WDR17: variants seen among roughly 807,000 people sequenced by gnomAD.
The protein encoded by WDR17 is WD repeat-containing protein 17.
In WDR17, 143 loss-of-function variants were observed where a neutral mutation model predicts 161.7. That is an observed-to-expected ratio of 0.88 (90% CI 0.77 to 1.02). The LOEUF (loss-of-function observed/expected upper bound fraction) is 1.02, where lower values mean the gene tolerates loss of function less well. WDR17 is among the 50% of genes least tolerant of loss of function. WDR17 has a pLI of 0.00. For missense variants in WDR17, 1,469 were observed against 1,520.9 expected (o/e 0.97, Z 0.57); for synonymous variants, 517 against 515.6 (o/e 1.00, Z -0.04).
At chr4:176,094,818 G>T (rs1409074516) in intron 1 of WDR17, among the ~76,000 whole-genome samples, 4 of 152,144 alleles carry the variant, frequency 2.6e-5, no homozygotes, top group African/African-American at 4.8e-5. Context: ...TTCATCTCAG[G>T]TTACTATCTA....
intron 16 of WDR17, among the ~76,000 whole-genome samples, chr4:176,151,544 TA>T (rs1479581685): frequency 2.6e-5 from 4 of 152,204 alleles, no homozygotes; most frequent in Non-Finnish European, 4.4e-5. Context: ...TGAACTCTTG[TA>T]AAACAATTTT....
chr4:176,151,952 G>A lies in WDR17; in HGVS notation c.2445G>A (p.Met815Ile). ...AAATTCAGAGATACTGTGAACTTAT[G>A]GTTGAACTTGGAGAGGTAATGTGCT... is the stretch of plus-strand genomic sequence containing the variant. ...LGQIQRYCEL[M>I]VELGEWDKAL... The change falls in exon 17 of 29, where the codon ATG becomes ATA. Residue 815 changes from methionine to isoleucine, a missense_variant. Transcript: ENST00000508596. 1 of 1,611,964 alleles carries A rather than the reference G, an allele frequency of 6.2e-7. No individual in the cohort carries two copies. Among genetic ancestry groups the A allele is most frequent in the Non-Finnish European group, 8.5e-7 (1 of 1,179,400 alleles).
intron 2 of WDR17, 85 bp from the exon 3 acceptor site, chr4:176,115,711 C>A: frequency 9.3e-7 from 1 of 1,075,052 alleles, no homozygotes; most frequent in Non-Finnish European, 1.3e-6. Context: ...CTGTATGTAG[C>A]TTTAGTTTTG....
At chr4:176,075,750 G>T (rs537483137) in intron 1 of WDR17, among the ~76,000 whole-genome samples, 1 of 152,016 alleles carries the variant, frequency 6.6e-6, no homozygotes, top group East Asian at 1.9e-4. Flanking sequence ...GAGGCAGGAG[G>T]GTCACTTGAG....
chr4:176,173,224 G>T, intron 24 of WDR17, 43 bp from the exon 25 acceptor site: 1 of 1,321,730 alleles, frequency 7.6e-7, no homozygotes, highest in South Asian at 1.3e-5. Context: ...TAAATTTTGA[G>T]ACTGTTATTT....
chr4:176,154,449 C>T (rs992207441), intron 17 of WDR17, among the ~76,000 whole-genome samples: 1 of 151,912 alleles, frequency 6.6e-6, no homozygotes, highest in African/African-American at 2.4e-5. Flanking sequence ...CCATTGCACT[C>T]CAGCCTGGGT....
At chr4:176,089,592 T>A (rs1735855320) in intron 1 of WDR17, among the ~76,000 whole-genome samples, 1 of 152,062 alleles carries the variant, frequency 6.6e-6, no homozygotes, top group Non-Finnish European at 1.5e-5. Flanking sequence ...GTGCCGAGTG[T>A]TGTATGTATG....
chr4:176,148,074 TAATACTCTA>T, intron 12 of WDR17, 50 bp from the exon 13 acceptor site: 1 of 1,444,134 alleles, frequency 6.9e-7, no homozygotes, highest in Non-Finnish European at 9.6e-7. Context: ...AAGAATATGT[TAATACTCTA>T]GATACATTAT....
Position 176,175,283 on chromosome 4 carries a change from G to A in WDR17, c.3449+565G>A, listed in dbSNP as rs778497964. On this transcript the variant is annotated intron_variant, in intron 26 of 28. Coordinates refer to ENST00000508596, the MANE Select transcript of WDR17 (RefSeq NM_181265.4). Reference sequence around the variant, plus strand: ...CTTTTCAATCTCTACAGCAGAAAAGGCAGAGTAAAGGGAGTTTGTAAGTAG... The same window carrying A: ...CTTTTCAATCTCTACAGCAGAAAAGACAGAGTAAAGGGAGTTTGTAAGTAG... Among the ~76,000 whole-genome samples, 60 of 152,172 alleles carry A rather than the reference G, an allele frequency of 3.9e-4. 1 individual carries two copies. Among genetic ancestry groups the A allele is most frequent in the Non-Finnish European group, 1.5e-4 (10 of 68,028 alleles).
chr4:176,155,251 C>G (rs1242108134), intron 17 of WDR17, among the ~76,000 whole-genome samples: 1 of 151,812 alleles, frequency 6.6e-6, no homozygotes, highest in Non-Finnish European at 1.5e-5. Context: ...CCGTTTTTCT[C>G]TTTCTTTCTC....
At chr4:176,153,223 A>G (rs1009522248) in intron 17 of WDR17, among the ~76,000 whole-genome samples, 20 of 152,186 alleles carry the variant, frequency 1.3e-4, no homozygotes, top group Non-Finnish European at 2.5e-4. Flanking sequence ...AACAAACAAA[A>G]AACGATGTTG....
intron 14 of WDR17, 34 bp from the exon 15 acceptor site, chr4:176,150,009 A>T: frequency 6.2e-7 from 1 of 1,611,004 alleles, no homozygotes; most frequent in East Asian, 2.2e-5. Flanking sequence ...TTTTATGAGA[A>T]ATCTTTTCTC....
intron 22 of WDR17, among the ~76,000 whole-genome samples, chr4:176,164,538 G>A (rs995288793): frequency 6.6e-6 from 1 of 152,110 alleles, no homozygotes; most frequent in Non-Finnish European, 1.5e-5. Context: ...CCATCCCTTA[G>A]ATATCTTATT....
intron 1 of WDR17, among the ~76,000 whole-genome samples, chr4:176,107,456 G>C (rs986904972): frequency 3.3e-5 from 5 of 149,258 alleles, no homozygotes; most frequent in African/African-American, 7.5e-5. Flanking sequence ...ATTGAAAGCA[G>C]GGTGTGGAAG....
intron 25 of WDR17, among the ~76,000 whole-genome samples, chr4:176,174,247 G>A (rs1189929664): frequency 6.6e-6 from 1 of 152,032 alleles, no homozygotes; most frequent in Non-Finnish European, 1.5e-5. Flanking sequence ...AACTCCCTCA[G>A]CAAGAATGCA....
At chr4:176,107,939 C>G (rs1339315498) in intron 1 of WDR17, among the ~76,000 whole-genome samples, 1 of 139,754 alleles carries the variant, frequency 7.2e-6, no homozygotes, top group African/African-American at 2.7e-5. Context: ...TCCTTCCTTC[C>G]TTCCTTATTT....
At chr4:176,154,086 A>G (rs1747670065) in intron 17 of WDR17, among the ~76,000 whole-genome samples, 1 of 152,184 alleles carries the variant, frequency 6.6e-6, no homozygotes. Flanking sequence ...CTCAAAGCCT[A>G]TTTCAATCAG....
chr4:176,142,558 C>G (rs1387173960), intron 11 of WDR17, among the ~76,000 whole-genome samples: 1 of 152,140 alleles, frequency 6.6e-6, no homozygotes, highest in East Asian at 1.9e-4. Context: ...AAGTATTTAT[C>G]ATGTAAAAAT....
chr4:176,163,205 G>A lies in WDR17; in HGVS notation c.2902G>A (p.Val968Met). The A allele has an allele frequency of 6.2e-7, 1 of 1,614,138 alleles. No individual in the cohort carries two copies. The highest frequency in any genetic ancestry group is 1.1e-5 in the South Asian group (1 of 91,080). ...AAATGAACTGGAGTTGGCAGTCTGT[G>A]TGGGCACAGTACTAGGAGAGTCTGC... Reference protein sequence around the residue: ...RGNELELAVCVGTVLGESAAP... With the variant: ...RGNELELAVCMGTVLGESAAP... Residue 968 changes from valine (V) to methionine (M), a missense_variant, in exon 22 of 29, where the codon GTG becomes ATG. Val to Met is a conservative substitution (Grantham distance 21). Coordinates refer to ENST00000508596, the MANE Select transcript of WDR17 (RefSeq NM_181265.4).
Sources: gnomAD v4.1 joint callset for allele counts (sites outside exome capture counted in the v4.1 genomes callset) on GRCh38, gnomAD v4.1.1 for gene constraint, MANE v1.5 for transcripts, NCBI Gene and HGNC (gene_info 2026-07-23, HGNC 2026-07-21) for gene names.